TTLL4: variants seen among roughly 807,000 people sequenced by gnomAD.
TTLL4 encodes the protein tubulin tyrosine ligase like 4.
Under a neutral mutation model 122.7 loss-of-function variants are expected in TTLL4, and 85 were observed. The ratio of observed to expected loss-of-function variants is 0.69; its 90% CI spans 0.58 to 0.83. The LOEUF is 0.83. Among genes scored for constraint, TTLL4 ranks in the 40% least tolerant of loss-of-function variants. The pLI, the probability that TTLL4 is intolerant of heterozygous loss-of-function variation, is 0.00. For missense variants in TTLL4, 1,363 were observed against 1,488.6 expected, an observed-to-expected ratio of 0.92 and a Z score of 1.39; for synonymous variants, 553 against 563.0, an observed-to-expected ratio of 0.98 and a Z score of 0.25.
Position 218,732,709 on chromosome 2 carries a change from G to A in TTLL4, c.-98-4870G>A, listed in dbSNP as rs145622042. 2.7e-3 allele frequency among the ~76,000 whole-genome samples: 414 copies of A among 152,274 alleles called. 2 individuals carry two copies. Among genetic ancestry groups the A allele is most frequent in the African/African-American group, 9.6e-3 (399 of 41,544 alleles). On this transcript the variant is annotated intron_variant, in intron 2 of 19. Coordinates refer to ENST00000392102, the MANE Select transcript of TTLL4 (RefSeq NM_014640.5). ...AGTTTGTCACTTGCATTCCTGTAGGGCAGTGGGCAGGATGCGGGAAAAGAT... is the reference window on the plus strand; with the variant it reads ...AGTTTGTCACTTGCATTCCTGTAGGACAGTGGGCAGGATGCGGGAAAAGAT...
chr2:218,753,460 A>C, intron 18 of TTLL4, 124 bp from the exon 19 acceptor site: 1 of 1,016,646 alleles, frequency 9.8e-7, no homozygotes, highest in South Asian at 1.4e-5. Flanking sequence ...CCCATGCCTG[A>C]GGGGTAGGGA....
chr2:218,718,710 A>G (rs1941942794), intron 1 of TTLL4, among the ~76,000 whole-genome samples: 1 of 152,212 alleles, frequency 6.6e-6, no homozygotes, highest in Non-Finnish European at 1.5e-5. Context: ...GCTACTAATC[A>G]TTCACACTCC....
chr2:218,718,447 C>T (rs527436350), intron 1 of TTLL4, among the ~76,000 whole-genome samples: 6 of 151,832 alleles, frequency 4.0e-5, no homozygotes, highest in African/African-American at 1.2e-4. Flanking sequence ...GGCGCAATCT[C>T]GGCTCACCGC....
intron 2 of TTLL4, among the ~76,000 whole-genome samples, chr2:218,730,464 T>G (rs959528539): frequency 6.6e-6 from 1 of 151,142 alleles, no homozygotes; most frequent in Non-Finnish European, 1.5e-5. Flanking sequence ...GCTGAGATCA[T>G]GCCACTGCAC....
At chr2:218,719,769 G>GTTTAGTA (rs1337717768) in intron 1 of TTLL4, among the ~76,000 whole-genome samples, 1 of 152,188 alleles carries the variant, frequency 6.6e-6, no homozygotes, top group Non-Finnish European at 1.5e-5. Flanking sequence ...CCACCACAGT[G>GTTTAGTA]TTTAGTAAGT....
chr2:218,729,079 C>T (rs1243927892), intron 2 of TTLL4, among the ~76,000 whole-genome samples: 3 of 151,846 alleles, frequency 2.0e-5, no homozygotes, highest in Non-Finnish European at 4.4e-5. Flanking sequence ...ATTATGGATG[C>T]CCACCACCAT....
rs1382913135 is a variant in TTLL4 at position 218,738,086 on chromosome 2, G to A, written c.410G>A (p.Arg137His). ...CAGCAACTGGAGTCTTTCTGCTTGCGTTCGAGCCCGTCAGAAAAAAGCCCT... is the reference window on the plus strand; with the variant it reads ...CAGCAACTGGAGTCTTTCTGCTTGCATTCGAGCCCGTCAGAAAAAAGCCCT... Reference protein sequence around the residue: ...PYQQLESFCLRSSPSEKSPFS... With the variant: ...PYQQLESFCLHSSPSEKSPFS... Residue 137 changes from arginine to histidine, a missense_variant, in exon 3 of 20, where the codon CGT (arginine) becomes CAT (histidine). Transcript: ENST00000392102. The A allele has an allele frequency of 5.6e-6, 9 of 1,613,860 alleles. No individual in the cohort carries two copies. Among genetic ancestry groups the A allele is most frequent in the African/African-American group, 5.3e-5 (4 of 74,858 alleles).
chr2:218,720,199 C>T (rs16859232), intron 1 of TTLL4, among the ~76,000 whole-genome samples: 11,257 of 151,846 alleles, frequency 0.074, 556 homozygotes, highest in African/African-American at 0.13. Context: ...AAACTTGAGA[C>T]GACAAATCTG....
chr2:218,747,219 G>C lies in TTLL4; in HGVS notation c.2166+25G>C. 6.2e-7 allele frequency: 1 copy of C among 1,614,174 alleles called. No individual in the cohort carries two copies. ...AGTGAGTGAATCACAGTGGGCAGGA[G>C]ACTATGGTCTGTGAGTGGGAACAAC... On this transcript the variant is annotated intron_variant, in intron 9 of 19. Transcript: ENST00000392102. This position sits in a 1 kb window ranked among gnomAD's most constrained non-coding sequence, Gnocchi z 4.7.
At chr2:218,730,343 A>AAAAAAAG (rs1942341556) in intron 2 of TTLL4, among the ~76,000 whole-genome samples, 4 of 124,824 alleles carry the variant, frequency 3.2e-5, no homozygotes, top group African/African-American at 9.4e-5. Context: ...AAAAAAAAAA[A>AAAAAAAG]AAAAAAGAAA....
chr2:218,739,433 A>T (rs896710884), intron 3 of TTLL4, among the ~76,000 whole-genome samples: 5 of 152,202 alleles, frequency 3.3e-5, no homozygotes, highest in Non-Finnish European at 7.3e-5. Flanking sequence ...ACGATGGTAG[A>T]GCTGAGTAGT....
At chr2:218,730,948 A>T (rs879553935) in intron 2 of TTLL4, among the ~76,000 whole-genome samples, 32 of 152,036 alleles carry the variant, frequency 2.1e-4, no homozygotes, top group Non-Finnish European at 4.4e-4. Flanking sequence ...TATAAAAATA[A>T]AATAAAGTAA....
chr2:218,740,286 G>A, intron 4 of TTLL4, 119 bp downstream of exon 4: 1 of 1,082,166 alleles, frequency 9.2e-7, no homozygotes, highest in Non-Finnish European at 1.4e-6. Flanking sequence ...TTTGCTTTGG[G>A]GGTCTTAAGT....
chr2:218,721,283 G>A (rs940410742), intron 1 of TTLL4, among the ~76,000 whole-genome samples: 3 of 152,022 alleles, frequency 2.0e-5, no homozygotes, highest in Non-Finnish European at 4.4e-5. Flanking sequence ...CTGCCATGTG[G>A]CCCAGGCTAA....
rs367664518 is a variant in TTLL4, at chr2:218,753,199, G to A, written c.3258+14G>A. 1.1e-5 allele frequency: 17 copies of A among 1,614,124 alleles called. No individual in the cohort carries two copies. In the South Asian group the frequency reaches 1.5e-4, roughly 15 times the overall value. ...TCTGCTCCAGTGGTGAGTGCTGCCAGTGTGGAGGACAGCTCCTTCTCAGGC... is the reference window on the plus strand; with the variant it reads ...TCTGCTCCAGTGGTGAGTGCTGCCAATGTGGAGGACAGCTCCTTCTCAGGC... On this transcript the variant is annotated intron_variant, in intron 18 of 19. Coordinates refer to ENST00000392102, the MANE Select transcript of TTLL4 (RefSeq NM_014640.5).
At chr2:218,753,798 C>A in intron 19 of TTLL4, 129 bp downstream of exon 19, 1 of 1,003,294 alleles carries the variant, frequency 1.0e-6, no homozygotes, top group Non-Finnish European at 1.5e-6. Context: ...AGCGTCAGGA[C>A]ATGCAGCCAT....
At chr2:218,717,681 A>G (rs1166934840) in intron 1 of TTLL4, among the ~76,000 whole-genome samples, 1 of 152,150 alleles carries the variant, frequency 6.6e-6, no homozygotes, top group Non-Finnish European at 1.5e-5. Flanking sequence ...TAGGAGAGAT[A>G]TATTGCTCCT....
intron 1 of TTLL4, among the ~76,000 whole-genome samples, chr2:218,717,552 G>C (rs1294568310): frequency 1.3e-5 from 2 of 152,126 alleles, no homozygotes; most frequent in Non-Finnish European, 2.9e-5. Flanking sequence ...TTGCTTACTT[G>C]TTTGGCATTG....
downstream of TTLL4, among the ~76,000 whole-genome samples, chr2:218,758,892 A>C (rs1241900089): frequency 1.3e-5 from 2 of 152,240 alleles, no homozygotes; most frequent in African/African-American, 4.8e-5. Context: ...TATGTCCAAC[A>C]ATCAGTGAAT....
Sources: gnomAD v4.1 joint callset for allele counts (sites outside exome capture counted in the v4.1 genomes callset) on GRCh38, gnomAD v4.1.1 for gene constraint, Gnocchi (gnomAD v3.1) non-coding constraint, MANE v1.5 for transcripts, NCBI Gene and HGNC (gene_info 2026-07-23, HGNC 2026-07-21) for gene names.